PPIL1: variants seen among roughly 807,000 people sequenced by gnomAD.
PPIL1 encodes peptidylprolyl isomerase like 1, also known as peptidyl-prolyl cis-trans isomerase-like 1.
PPIL1 carries 14 observed loss-of-function variants against 19.4 expected under a neutral mutation model. That is an observed-to-expected ratio of 0.72 (90% confidence interval 0.48 to 1.13). The LOEUF (loss-of-function observed/expected upper bound fraction) is 1.13, where lower values mean the gene tolerates loss of function less well. Ranked by LOEUF, PPIL1 falls within the 50% of genes most tolerant of loss-of-function variation. PPIL1 has a pLI of 0.00. For missense variants in PPIL1, 192 were observed against 218.0 expected, an observed-to-expected ratio of 0.88 and a Z score of 0.75; for synonymous variants, 72 against 73.6, an observed-to-expected ratio of 0.98 and a Z score of 0.11.
At chr6:36,869,902 A>G (rs1774472856) in intron 2 of PPIL1, among the ~76,000 whole-genome samples, 1 of 152,134 alleles carries the variant, frequency 6.6e-6, no homozygotes, top group African/African-American at 2.4e-5. Flanking sequence ...TTTTGAAACT[A>G]CTTCCATTTA....
intron 2 of PPIL1, 71 bp downstream of exon 2, chr6:36,871,647 C>T (rs780654924): frequency 8.6e-6 from 13 of 1,513,410 alleles, no homozygotes; most frequent in South Asian, 7.5e-5. Context: ...GAAACTAATG[C>T]TGGCTTTAGA....
intron 2 of PPIL1, among the ~76,000 whole-genome samples, chr6:36,863,305 T>C (rs1774327751): frequency 6.6e-6 from 1 of 152,146 alleles, no homozygotes; most frequent in Admixed American, 6.5e-5. Context: ...TTGCTTCTTA[T>C]TTCACTGAGA....
rs541821302 is a variant in PPIL1, at chr6:36,855,319, C to T, written c.*494G>A. 5.6e-4 allele frequency: 94 copies of T among 167,732 alleles called. No individual in the cohort carries two copies. Among genetic ancestry groups the T allele is most frequent in the Middle Eastern group, 6.3e-3 (2 of 320 alleles). 10.4% of individuals were successfully genotyped at this position (167,732 alleles called of 1,614,324 possible). ...AAATATATATAGAGATGCATACATTCCCTAGAAGAACAAATGTAAAAGACT... is the reference window on the plus strand; with the variant it reads ...AAATATATATAGAGATGCATACATTTCCTAGAAGAACAAATGTAAAAGACT... On this transcript the variant is annotated 3_prime_UTR_variant, in exon 4 of 4. Coordinates refer to ENST00000373699, the MANE Select transcript of PPIL1 (RefSeq NM_016059.5).
At chr6:36,867,123 A>G (rs1173856649) in intron 2 of PPIL1, among the ~76,000 whole-genome samples, 2 of 152,172 alleles carry the variant, frequency 1.3e-5, no homozygotes, top group African/African-American at 4.8e-5. Context: ...GTTTCACAGG[A>G]CGAGCCAGGG....
chr6:36,865,379 T>C (rs1774372858), intron 2 of PPIL1, among the ~76,000 whole-genome samples: 1 of 152,204 alleles, frequency 6.6e-6, no homozygotes, highest in Non-Finnish European at 1.5e-5. Flanking sequence ...TACTGTCCCC[T>C]AAACAGGCAG....
intron 2 of PPIL1, among the ~76,000 whole-genome samples, chr6:36,863,314 GAA>G (rs1024569500): frequency 9.2e-5 from 14 of 152,108 alleles, no homozygotes; most frequent in African/African-American, 3.4e-4. Flanking sequence ...ATTTCACTGA[GAA>G]GAAGGAATTA....
intron 2 of PPIL1, among the ~76,000 whole-genome samples, chr6:36,867,363 A>G (rs1774414764): frequency 6.6e-6 from 1 of 152,264 alleles, no homozygotes; most frequent in Admixed American, 6.5e-5. Context: ...ACCAAATAAG[A>G]AAAGGGAACC....
At chr6:36,857,508 G>C (rs1583104998) in intron 2 of PPIL1, among the ~76,000 whole-genome samples, 1 of 152,124 alleles carries the variant, frequency 6.6e-6, no homozygotes, top group East Asian at 1.9e-4. Flanking sequence ...TAGAGATGGG[G>C]TCTTGCTACG....
At chr6:36,874,262 T>C (rs780597788) in intron 1 of PPIL1, among the ~76,000 whole-genome samples, 8 of 152,212 alleles carry the variant, frequency 5.3e-5, no homozygotes, top group Non-Finnish European at 1.0e-4. Context: ...GTGGGGAAAA[T>C]GTGCTTCTTC....
In PPIL1 at chr6:36,856,245, C is replaced by T. The variant is rs544727115; in HGVS notation, c.281-212G>A. On this transcript the variant is annotated intron_variant, in intron 3 of 3. Coordinates refer to ENST00000373699, the MANE Select transcript of PPIL1 (RefSeq NM_016059.5). ...TTCATCTTCCTTGTCCTCACCTATT[C>T]CCCAGCCTTGACCCCTGATGCTCCT... Among the ~76,000 whole-genome samples, 335 of 152,204 alleles carry T rather than the reference C, an allele frequency of 2.2e-3. 2 individuals carry two copies. Among genetic ancestry groups the T allele is most frequent in the Non-Finnish European group, 1.9e-3 (130 of 68,022 alleles).
At chr6:36,862,749 T>C (rs1561846724) in intron 2 of PPIL1, among the ~76,000 whole-genome samples, 1 of 152,210 alleles carries the variant, frequency 6.6e-6, no homozygotes, top group Non-Finnish European at 1.5e-5. Context: ...AGACGTTCTG[T>C]TGTGTAAGAA....
chr6:36,858,231 C>CAAAAAAAAAAAAAAAAAAAAAAA (rs55719434), intron 2 of PPIL1, among the ~76,000 whole-genome samples: 1 of 68,188 alleles, frequency 1.5e-5, no homozygotes, highest in Non-Finnish European at 2.7e-5. Context: ...AAGACTGTCT[C>CAAAAAAAAAAAAAAAAAAAAAAA]AAAAAAAAAA....
chr6:36,862,698 C>G (rs1203008334), intron 2 of PPIL1, among the ~76,000 whole-genome samples: 1 of 152,236 alleles, frequency 6.6e-6, no homozygotes, highest in Admixed American at 6.5e-5. Context: ...CCTGACAACT[C>G]TTCTGGGCTG....
At chr6:36,872,837 T>C (rs966420860) in intron 1 of PPIL1, among the ~76,000 whole-genome samples, 2 of 152,218 alleles carry the variant, frequency 1.3e-5, no homozygotes, top group African/African-American at 4.8e-5. Context: ...CTTGAACTCC[T>C]GGGCTCAAGC....
Position 36,867,087 on chromosome 6 carries a change from G to A in PPIL1, c.211+4631C>T, listed in dbSNP as rs73418165. Among the ~76,000 whole-genome samples the A allele has an allele frequency of 5.5e-3, 841 of 152,216 alleles. 9 individuals are homozygous for A. Among genetic ancestry groups the A allele is most frequent in the African/African-American group, 0.019 (776 of 41,530 alleles). On this transcript the variant is annotated intron_variant, in intron 2 of 3. Transcript: ENST00000373699. The stretch of plus-strand genomic sequence containing the variant: ...GCAATCTTCATTCAACTCAAAACTC[G>A]GGGCCTCAACCCGTGTGCGGCCCAT...
chr6:36,869,860 G>C (rs566511724), intron 2 of PPIL1, among the ~76,000 whole-genome samples: 4 of 152,118 alleles, frequency 2.6e-5, no homozygotes, highest in Non-Finnish European at 2.9e-5. Flanking sequence ...AATATGTTCT[G>C]TTTTAAAAAC....
In PPIL1 at chr6:36,856,588, G is replaced by A. The variant is rs755572189; in HGVS notation, c.278C>T (p.Thr93Met). 1.5e-5 allele frequency: 24 copies of A among 1,613,590 alleles called. No individual in the cohort carries two copies. Among genetic ancestry groups the A allele is most frequent in the South Asian group, 2.2e-5 (2 of 91,062 alleles). Reference protein sequence around the residue: ...EDELHPDLKFTGAGILAMANA... With the variant: ...EDELHPDLKFMGAGILAMANA... Reference sequence around the variant, plus strand: ...GTCCAGCCAAATTATACACTTACCCGTGAATTTCAAGTCTGGATGAAGTTC... The same window carrying A: ...GTCCAGCCAAATTATACACTTACCCATGAATTTCAAGTCTGGATGAAGTTC... Residue 93 changes from threonine to methionine, a missense_variant and splice_region_variant, in exon 3 of 4, where the codon ACG becomes ATG. Coordinates refer to ENST00000373699, the MANE Select transcript of PPIL1 (RefSeq NM_016059.5).
At chr6:36,858,536 G>A (rs1774214052) in intron 2 of PPIL1, 1 of 152,318 alleles carries the variant, frequency 6.6e-6, no homozygotes, top group Admixed American at 6.5e-5. Flanking sequence ...TGGCTAAGGT[G>A]TTTCCATGGC....
chr6:36,860,847 G>A (rs1475531098), intron 2 of PPIL1, among the ~76,000 whole-genome samples: 1 of 144,308 alleles, frequency 6.9e-6, no homozygotes, highest in African/African-American at 2.6e-5. Context: ...AAAAAAAAAA[G>A]TATTGTTGTT....
Sources: allele counts gnomAD v4.1 joint callset (sites outside exome capture counted in the v4.1 genomes callset), GRCh38; gene constraint gnomAD v4.1.1; transcripts MANE v1.5; gene names NCBI Gene and HGNC (gene_info 2026-07-23, HGNC 2026-07-21).